ASB18: variants seen among roughly 807,000 people sequenced by gnomAD.
ASB18 encodes ankyrin repeat and SOCS box protein 18.
In ASB18, 33 loss-of-function variants were observed where a neutral mutation model predicts 33.4. The ratio of observed to expected loss-of-function variants is 0.99; its 90% CI spans 0.75 to 1.32. The LOEUF (loss-of-function observed/expected upper bound fraction) is 1.32, where lower values mean the gene tolerates loss of function less well. Among genes scored for constraint, ASB18 ranks in the 40% most tolerant of loss-of-function variants. The probability of loss-of-function intolerance (pLI) is 0.00; values close to 1 mark genes in which losing one functional copy is unlikely to be tolerated. For missense variants in ASB18, 694 were observed against 655.5 expected (o/e 1.06, Z -0.64); for synonymous variants, 295 against 307.6 (o/e 0.96, Z 0.43).
At chr2:236,210,648 G>C (rs1439965723) in intron 4 of ASB18, 1 of 152,332 alleles carries the variant, frequency 6.6e-6, no homozygotes, top group Non-Finnish European at 1.5e-5. Flanking sequence ...CACAAAATAG[G>C]AGACAGGGTA....
At chr2:236,218,493 C>T (rs767487524) in intron 3 of ASB18, among the ~76,000 whole-genome samples, 8 of 152,126 alleles carry the variant, frequency 5.3e-5, no homozygotes, top group East Asian at 1.9e-4. Context: ...TATATCTATG[C>T]GTATATGAAG....
chr2:236,217,739 A>G lies in ASB18; in HGVS notation c.597-2873T>C, dbSNP rs1414861492. On this transcript the variant is annotated intron_variant, in intron 3 of 5. Transcript: ENST00000409749. This position sits in a 1 kb window ranked among gnomAD's most constrained non-coding sequence, Gnocchi z 5.2. Reference sequence around the variant, plus strand: ...TCCCTTTGGATTGTCTCGTTTCTACATCAGCAGTGTCTTGAGAAGTGGTCT... The same window carrying G: ...TCCCTTTGGATTGTCTCGTTTCTACGTCAGCAGTGTCTTGAGAAGTGGTCT... Among the ~76,000 whole-genome samples the G allele has an allele frequency of 1.3e-5, 2 of 152,190 alleles. No homozygotes were observed. Among genetic ancestry groups the G allele is most frequent in the African/African-American group, 4.8e-5 (2 of 41,442 alleles).
chr2:236,233,625 C>T (rs2106276801), intron 3 of ASB18, among the ~76,000 whole-genome samples: 1 of 152,196 alleles, frequency 6.6e-6, no homozygotes, highest in South Asian at 2.1e-4. Flanking sequence ...ATAGTAGTTA[C>T]ACACAATCAG....
rs992325323 is a variant in ASB18, at chr2:236,259,160, A to G, written c.205+4981T>C. ...CACAAATAATGCAGTTGTTGCTAAT[A>G]TTAAACAGTAGAGACTTGGCTTTAG... On this transcript the variant is annotated intron_variant, in intron 1 of 5. Transcript: ENST00000409749. The surrounding 1 kb of genome is among the most constrained non-coding windows in gnomAD (Gnocchi z 4.4). 6.6e-6 allele frequency among the ~76,000 whole-genome samples: 1 copy of G among 152,212 alleles called. No homozygotes were observed. Among genetic ancestry groups the G allele is most frequent in the African/African-American group, 2.4e-5 (1 of 41,438 alleles).
At position 236,204,113 on chromosome 2, in the gene ASB18, G is replaced by A; in HGVS notation, c.1102-7728C>T. 6.6e-6 allele frequency among the ~76,000 whole-genome samples: 1 copy of A among 152,102 alleles called. No individual in the cohort carries two copies. The highest frequency in any genetic ancestry group is 1.9e-4 in the East Asian group (1 of 5,182). On this transcript the variant is annotated intron_variant, in intron 4 of 5. Coordinates refer to ENST00000409749, the MANE Select transcript of ASB18 (RefSeq NM_212556.4). This position sits in a 1 kb window ranked among gnomAD's most constrained non-coding sequence, Gnocchi z 5.1. ...TGGGGATGGATTTCCCCCTTCCTGA[G>A]CTCTTCGTTAGTGTTATCTCTTTGT...
At position 236,239,966 on chromosome 2, in the gene ASB18, A is replaced by G. The variant is rs940219438; in HGVS notation, c.328+1314T>C. On this transcript the variant is annotated intron_variant, in intron 2 of 5. Coordinates refer to ENST00000409749, the MANE Select transcript of ASB18 (RefSeq NM_212556.4). This position sits in a 1 kb window ranked among gnomAD's most constrained non-coding sequence, Gnocchi z 5.6. ...TCACTGTCCGGGCTGCCGTTTCCTC[A>G]GTACCAGCCCACATCCCTTTGCTGT... Among the ~76,000 whole-genome samples, 1 of 152,194 alleles carries G rather than the reference A, an allele frequency of 6.6e-6. No individual in the cohort carries two copies. The highest frequency in any genetic ancestry group is 2.4e-5 in the African/African-American group (1 of 41,446).
chr2:236,263,023 A>G lies in ASB18; in HGVS notation c.205+1118T>C, dbSNP rs6739866. 0.016 allele frequency among the ~76,000 whole-genome samples: 2,470 copies of G among 151,888 alleles called. 70 individuals carry two copies. The highest frequency in any genetic ancestry group is 0.057 in the African/African-American group (2,361 of 41,176). ...CATGTTGCGCACACGTGTGCATGTGATGCATGTACTTGCGTGTGCGTGTGT... is the reference window on the plus strand; with the variant it reads ...CATGTTGCGCACACGTGTGCATGTGGTGCATGTACTTGCGTGTGCGTGTGT... On this transcript the variant is annotated intron_variant, in intron 1 of 5. Coordinates refer to ENST00000409749, the MANE Select transcript of ASB18 (RefSeq NM_212556.4). The surrounding 1 kb of genome is among the most constrained non-coding windows in gnomAD (Gnocchi z 4.0).
Position 236,208,217 on chromosome 2 carries a change from G to A in ASB18, c.1101+6145C>T, listed in dbSNP as rs1182717884. On this transcript the variant is annotated intron_variant, in intron 4 of 5. Coordinates refer to ENST00000409749, the MANE Select transcript of ASB18 (RefSeq NM_212556.4). The surrounding 1 kb of genome is among the most constrained non-coding windows in gnomAD (Gnocchi z 7.7). ...GCCACAGAGGGAGTGCCTGGCAGGAGGCCTGGGGCCAGCACGGTCTTCCCA... is the reference window on the plus strand; with the variant it reads ...GCCACAGAGGGAGTGCCTGGCAGGAAGCCTGGGGCCAGCACGGTCTTCCCA... Among the ~76,000 whole-genome samples the A allele has an allele frequency of 6.6e-6, 1 of 152,110 alleles. No individual in the cohort carries two copies. The highest frequency in any genetic ancestry group is 1.5e-5 in the Non-Finnish European group (1 of 68,024).
rs1366319130 is a variant in ASB18 at position 236,239,599 on chromosome 2, T to C, written c.329-1643A>G. The stretch of plus-strand genomic sequence containing the variant: ...AATTAAGGCTTCTCTGCATGTGGTG[T>C]GTCCCTCTAAGCATCAGCTCCCCCA... On this transcript the variant is annotated intron_variant, in intron 2 of 5. Transcript: ENST00000409749. The surrounding 1 kb of genome is among the most constrained non-coding windows in gnomAD (Gnocchi z 5.6). Among the ~76,000 whole-genome samples, 1 of 152,188 alleles carries C rather than the reference T, an allele frequency of 6.6e-6. No individual in the cohort carries two copies. Among genetic ancestry groups the C allele is most frequent in the African/African-American group, 2.4e-5 (1 of 41,446 alleles).
rs533125191 is a variant in ASB18 at position 236,257,530 on chromosome 2, G to A, written c.205+6611C>T. 1.9e-4 allele frequency among the ~76,000 whole-genome samples: 29 copies of A among 152,294 alleles called. No individual in the cohort carries two copies. In the South Asian group the frequency reaches 5.6e-3, roughly 29 times the overall value. On this transcript the variant is annotated intron_variant, in intron 1 of 5. Transcript: ENST00000409749. The surrounding 1 kb of genome is among the most constrained non-coding windows in gnomAD (Gnocchi z 5.5). ...CTATCTACTGAGATTGTGTGCACGT[G>A]TGCATGACTGTGTGTGTGCGTGTGT...
In ASB18 at chr2:236,257,528, G is replaced by A. The variant is rs1453378451; in HGVS notation, c.205+6613C>T. 6.6e-6 allele frequency among the ~76,000 whole-genome samples: 1 copy of A among 152,166 alleles called. No homozygotes were observed. The highest frequency in any genetic ancestry group is 1.5e-5 in the Non-Finnish European group (1 of 68,028). ...CTCTATCTACTGAGATTGTGTGCAC[G>A]TGTGCATGACTGTGTGTGTGCGTGT... On this transcript the variant is annotated intron_variant, in intron 1 of 5. Transcript: ENST00000409749. This position sits in a 1 kb window ranked among gnomAD's most constrained non-coding sequence, Gnocchi z 5.5.
At position 236,204,716 on chromosome 2, in the gene ASB18, T is replaced by C. The variant is rs2060424784; in HGVS notation, c.1102-8331A>G. On this transcript the variant is annotated intron_variant, in intron 4 of 5. Coordinates refer to ENST00000409749, the MANE Select transcript of ASB18 (RefSeq NM_212556.4). This position sits in a 1 kb window ranked among gnomAD's most constrained non-coding sequence, Gnocchi z 5.1. ...CATAACCTGCCCCATTCCCAAGTGA[T>C]AGCAAACTCATTCTTGTAGTCTCTT... Among the ~76,000 whole-genome samples the C allele has an allele frequency of 6.6e-6, 1 of 152,206 alleles. No homozygotes were observed. Among genetic ancestry groups the C allele is most frequent in the East Asian group, 1.9e-4 (1 of 5,176 alleles).
At chr2:236,197,090 T>A (rs2060378004) in intron 4 of ASB18, among the ~76,000 whole-genome samples, 2 of 148,678 alleles carry the variant, frequency 1.3e-5, no homozygotes, top group Middle Eastern at 3.4e-3. Context: ...CATCAACCCA[T>A]GGTTGATCCT....
At position 236,234,082 on chromosome 2, in the gene ASB18, G is replaced by A. The variant is rs1010675447; in HGVS notation, c.596+3607C>T. Reference sequence around the variant, plus strand: ...CAATGAAACAGAATAGAGATGAAGGGGGATGGCTCTGCCATGGCACCTTGG... The same window carrying A: ...CAATGAAACAGAATAGAGATGAAGGAGGATGGCTCTGCCATGGCACCTTGG... On this transcript the variant is annotated intron_variant, in intron 3 of 5. Coordinates refer to ENST00000409749, the MANE Select transcript of ASB18 (RefSeq NM_212556.4). This position sits in a 1 kb window ranked among gnomAD's most constrained non-coding sequence, Gnocchi z 4.1. 6.6e-6 allele frequency among the ~76,000 whole-genome samples: 1 copy of A among 152,182 alleles called. No homozygotes were observed. The highest frequency in any genetic ancestry group is 2.4e-5 in the African/African-American group (1 of 41,440).
At position 236,211,521 on chromosome 2, in the gene ASB18, C is replaced by A. The variant is rs1467835173; in HGVS notation, c.1101+2841G>T. ...CGGTAATTCTGCGCTCCATGGGTGT[C>A]TCTTTACATCTATTCACAGTACGGC... On this transcript the variant is annotated intron_variant, in intron 4 of 5. Coordinates refer to ENST00000409749, the MANE Select transcript of ASB18 (RefSeq NM_212556.4). The surrounding 1 kb of genome is among the most constrained non-coding windows in gnomAD (Gnocchi z 5.0). Among the ~76,000 whole-genome samples the A allele has an allele frequency of 6.6e-6, 1 of 152,248 alleles. No homozygotes were observed. Among genetic ancestry groups the A allele is most frequent in the Non-Finnish European group, 1.5e-5 (1 of 68,042 alleles).
chr2:236,224,121 C>T (rs1199894666), intron 3 of ASB18, among the ~76,000 whole-genome samples: 1 of 151,348 alleles, frequency 6.6e-6, no homozygotes, highest in Non-Finnish European at 1.5e-5. Context: ...TCATTTTACC[C>T]ACCCAAAACT....
chr2:236,221,490 A>T lies in ASB18; in HGVS notation c.597-6624T>A, dbSNP rs1164056309. 6.6e-6 allele frequency among the ~76,000 whole-genome samples: 1 copy of T among 152,102 alleles called. No homozygotes were observed. Among genetic ancestry groups the T allele is most frequent in the Admixed American group, 6.5e-5 (1 of 15,284 alleles). ...GTTTCCTTCATACTGTTCTCTTGGTAGTGAATAAGTCTCATGAGATCTGAT... is the reference window on the plus strand; with the variant it reads ...GTTTCCTTCATACTGTTCTCTTGGTTGTGAATAAGTCTCATGAGATCTGAT... On this transcript the variant is annotated intron_variant, in intron 3 of 5. Coordinates refer to ENST00000409749, the MANE Select transcript of ASB18 (RefSeq NM_212556.4). This position sits in a 1 kb window ranked among gnomAD's most constrained non-coding sequence, Gnocchi z 5.6.
chr2:236,224,469 G>A (rs2106273493), intron 3 of ASB18, among the ~76,000 whole-genome samples: 1 of 152,242 alleles, frequency 6.6e-6, no homozygotes, highest in Non-Finnish European at 1.5e-5. Flanking sequence ...TGAGGGGCAG[G>A]GAAGGGGACA....
At position 236,235,738 on chromosome 2, in the gene ASB18, A is replaced by T. The variant is rs1423522553; in HGVS notation, c.596+1951T>A. On this transcript the variant is annotated intron_variant, in intron 3 of 5. Transcript: ENST00000409749. This position sits in a 1 kb window ranked among gnomAD's most constrained non-coding sequence, Gnocchi z 6.2. Reference sequence around the variant, plus strand: ...TATTATTATTTGAGACAGGGTCTCAACTCTGTCACCCAGGCTGGAGTGCAG... The same window carrying T: ...TATTATTATTTGAGACAGGGTCTCATCTCTGTCACCCAGGCTGGAGTGCAG... Among the ~76,000 whole-genome samples the T allele has an allele frequency of 1.3e-5, 2 of 151,498 alleles. No homozygotes were observed. The highest frequency in any genetic ancestry group is 4.9e-5 in the African/African-American group (2 of 41,204).
Sources: allele counts gnomAD v4.1 joint callset (sites outside exome capture counted in the v4.1 genomes callset), GRCh38; gene constraint gnomAD v4.1.1; non-coding constraint Gnocchi (gnomAD v3.1); transcripts MANE v1.5; gene names NCBI Gene and HGNC (gene_info 2026-07-23, HGNC 2026-07-21).